The following TRIM71 variants were observed in gnomAD, a reference collection of about 807,000 sequenced individuals.
TRIM71 encodes the protein E3 ubiquitin-protein ligase TRIM71.
A neutral mutation model predicts 61.2 loss-of-function variants in TRIM71; 9 were observed. The ratio of observed to expected loss-of-function variants is 0.15; its 90% CI spans 0.09 to 0.26. The LOEUF (loss-of-function observed/expected upper bound fraction) is 0.26. TRIM71 is among the 10% of genes least tolerant of loss of function. The pLI is 1.00. For missense variants in TRIM71, 998 were observed against 1,238.7 expected (o/e 0.81, Z 2.92); for synonymous variants, 645 against 553.2 (o/e 1.17, Z -2.33).
intron 1 of TRIM71, among the ~76,000 whole-genome samples, chr3:32,827,707 A>AT (rs1180925286): frequency 1.3e-5 from 2 of 152,164 alleles, no homozygotes; most frequent in African/African-American, 4.8e-5. Context: ...GACTGAGGAC[A>AT]TACCCTCCTG....
intron 1 of TRIM71, among the ~76,000 whole-genome samples, chr3:32,858,265 G>T (rs79126022): frequency 0.017 from 2,577 of 152,238 alleles, 62 homozygotes; most frequent in East Asian, 0.12. Flanking sequence ...TCAGGCCATG[G>T]GTGAGAGTGA....
rs1216699191 is a variant in TRIM71 at position 32,842,191 on chromosome 3, AC to A, written c.852+23260del. On this transcript the variant is annotated intron_variant, in intron 1 of 3. Coordinates refer to ENST00000383763, the MANE Select transcript of TRIM71 (RefSeq NM_001039111.3). ...ACTGTCTAGATTTACTGCTGGGAAA[AC>A]ATTGTCCGTTTTGAAAACTGTTAGT... Among the ~76,000 whole-genome samples the A allele has an allele frequency of 2.0e-5, 3 of 152,318 alleles. No individual in the cohort carries two copies. The East Asian group carries it at 5.8e-4, about 29-fold the overall frequency.
At position 32,829,628 on chromosome 3, in the gene TRIM71, GTGTGTGTGTGTGTGTGTGTGTGTT is replaced by G. The variant is rs1219289998; in HGVS notation, c.852+10705_852+10728del. 2.3e-4 allele frequency among the ~76,000 whole-genome samples: 33 copies of G among 142,088 alleles called. 1 individual carries two copies. Among genetic ancestry groups the G allele is most frequent in the Admixed American group, 2.1e-3 (31 of 14,676 alleles). 93.2% of individuals were successfully genotyped at this position (142,088 alleles called of 152,430 possible). A position where few individuals can be genotyped will look rare whatever the true frequency, so the allele number is the denominator to read the frequency against. ...TAGTAAGCATTAATGTCATGGTATT[GTGTGTGTGTGTGTGTGTGTGTGTT>G]TGTGTGTGCGTGTGTGTGCATTGGA... On this transcript the variant is annotated intron_variant, in intron 1 of 3. Coordinates refer to ENST00000383763, the MANE Select transcript of TRIM71 (RefSeq NM_001039111.3).
chr3:32,873,144 C>T (rs1202353848), intron 1 of TRIM71, among the ~76,000 whole-genome samples: 1 of 138,624 alleles, frequency 7.2e-6, no homozygotes, highest in East Asian at 2.6e-4. Flanking sequence ...TAAAGCAGTT[C>T]TGTCAGCACT....
intron 1 of TRIM71, among the ~76,000 whole-genome samples, chr3:32,821,147 T>C (rs536943224): frequency 6.6e-6 from 1 of 152,302 alleles, no homozygotes; most frequent in South Asian, 2.1e-4. Flanking sequence ...TTGAGAATAT[T>C]GTTCCTTTAA....
chr3:32,819,675 C>T (rs1696105836), intron 1 of TRIM71, among the ~76,000 whole-genome samples: 1 of 152,070 alleles, frequency 6.6e-6, no homozygotes, highest in Non-Finnish European at 1.5e-5. Context: ...CGTGGGCCCA[C>T]GGCTGCACCC....
intron 1 of TRIM71, among the ~76,000 whole-genome samples, chr3:32,849,340 A>G (rs1401851763): frequency 2.0e-5 from 3 of 151,778 alleles, no homozygotes; most frequent in Non-Finnish European, 4.4e-5. Context: ...AGGATCTTGC[A>G]TAGGGCCTGG....
chr3:32,874,057 A>G, intron 2 of TRIM71, 72 bp downstream of exon 2: 1 of 1,482,442 alleles, frequency 6.7e-7, no homozygotes, highest in South Asian at 1.3e-5. Context: ...GCATGGACAG[A>G]CAATTGGGCA....
intron 1 of TRIM71, among the ~76,000 whole-genome samples, chr3:32,867,732 G>A (rs1057186838): frequency 7.9e-5 from 12 of 152,080 alleles, no homozygotes; most frequent in African/African-American, 7.2e-5. Flanking sequence ...TTTGTGGTGA[G>A]AACACATAAA....
intron 1 of TRIM71, among the ~76,000 whole-genome samples, chr3:32,834,756 C>A (rs893381518): frequency 6.6e-6 from 1 of 152,068 alleles, no homozygotes; most frequent in African/African-American, 2.4e-5. Flanking sequence ...GCAGGAGAAT[C>A]GCCTGAACCT....
Position 32,894,037 on chromosome 3 carries a change from A to G in TRIM71, c.*2226A>G, listed in dbSNP as rs917006238. The G allele has an allele frequency of 6.6e-6, 1 of 152,206 alleles. No homozygotes were observed. The highest frequency in any genetic ancestry group is 2.4e-5 in the African/African-American group (1 of 41,448). 9.4% of individuals were successfully genotyped at this position (152,206 alleles called of 1,614,324 possible). On this transcript the variant is annotated 3_prime_UTR_variant, in exon 4 of 4. Transcript: ENST00000383763. ...GAATTTAATAGTGAATCCTTCCCCA[A>G]TGCCTATTCAGTTGCCTTTTGGCCG... is the stretch of plus-strand genomic sequence containing the variant.
At position 32,890,323 on chromosome 3, in the gene TRIM71, C is replaced by A. The variant is rs1450446509; in HGVS notation, c.1156-37C>A. ...GGTATTTTCTGTGCTTGGCTCTAAGCCTCTGTGTCTTTCTCCACTCTTGCT... is the reference window on the plus strand; with the variant it reads ...GGTATTTTCTGTGCTTGGCTCTAAGACTCTGTGTCTTTCTCCACTCTTGCT... On this transcript the variant is annotated intron_variant, in intron 3 of 3. Coordinates refer to ENST00000383763, the MANE Select transcript of TRIM71 (RefSeq NM_001039111.3). The surrounding 1 kb of genome is among the most constrained non-coding windows in gnomAD (Gnocchi z 6.2). 1 of 1,588,800 alleles carries A rather than the reference C, an allele frequency of 6.3e-7. No homozygotes were observed. Among genetic ancestry groups the A allele is most frequent in the Non-Finnish European group, 8.6e-7 (1 of 1,164,138 alleles).
intron 1 of TRIM71, among the ~76,000 whole-genome samples, chr3:32,836,424 G>T (rs930173048): frequency 6.6e-6 from 1 of 152,156 alleles, no homozygotes; most frequent in African/African-American, 2.4e-5. Flanking sequence ...CAATTTGTAG[G>T]CATTTTGGAT....
intron 3 of TRIM71, among the ~76,000 whole-genome samples, chr3:32,889,746 C>T (rs1697003938): frequency 6.6e-6 from 1 of 152,036 alleles, no homozygotes; most frequent in Non-Finnish European, 1.5e-5. Flanking sequence ...CCTGTTACCA[C>T]ACTTGGTTAA....
intron 1 of TRIM71, among the ~76,000 whole-genome samples, chr3:32,834,278 G>A (rs1296988223): frequency 2.0e-5 from 3 of 152,222 alleles, no homozygotes; most frequent in Admixed American, 2.0e-4. Context: ...TGTCATAGCA[G>A]GAGATAGTGA....
At chr3:32,887,556 C>T (rs1268040785) in intron 3 of TRIM71, among the ~76,000 whole-genome samples, 1 of 138,216 alleles carries the variant, frequency 7.2e-6, no homozygotes, top group South Asian at 2.3e-4. Flanking sequence ...CTGGGCATCT[C>T]TTTGTTACAA....
At chr3:32,838,065 G>A (rs973735360) in intron 1 of TRIM71, among the ~76,000 whole-genome samples, 1 of 152,108 alleles carries the variant, frequency 6.6e-6, no homozygotes, top group Non-Finnish European at 1.5e-5. Context: ...GGCTATCCGG[G>A]TGTTTGAGGA....
At position 32,890,321 on chromosome 3, in the gene TRIM71, A is replaced by G. The variant is rs1467840548; in HGVS notation, c.1156-39A>G. The stretch of plus-strand genomic sequence containing the variant: ...GTGGTATTTTCTGTGCTTGGCTCTA[A>G]GCCTCTGTGTCTTTCTCCACTCTTG... On this transcript the variant is annotated intron_variant, in intron 3 of 3. Coordinates refer to ENST00000383763, the MANE Select transcript of TRIM71 (RefSeq NM_001039111.3). The surrounding 1 kb of genome is among the most constrained non-coding windows in gnomAD (Gnocchi z 6.2). 2 of 1,585,454 alleles carry G rather than the reference A, an allele frequency of 1.3e-6. No homozygotes were observed. Among genetic ancestry groups the G allele is most frequent in the Non-Finnish European group, 1.7e-6 (2 of 1,162,278 alleles).
At position 32,896,804 on chromosome 3, in the gene TRIM71, C is replaced by G. The variant is rs896919826; in HGVS notation, c.*4993C>G. 1 of 152,168 alleles carries G rather than the reference C, an allele frequency of 6.6e-6. No individual in the cohort carries two copies. The highest frequency in any genetic ancestry group is 1.5e-5 in the Non-Finnish European group (1 of 68,034). The allele number at this position is 152,168 out of a possible 1,614,324, so 9.4% of individuals were successfully genotyped here. On this transcript the variant is annotated 3_prime_UTR_variant, in exon 4 of 4. Transcript: ENST00000383763. ...GGTAGTATTTTTCTTAAGACTCTAT[C>G]TCAGAGCACACTGACTGAATGTTGA...
Sources: allele counts gnomAD v4.1 joint callset (sites outside exome capture counted in the v4.1 genomes callset), GRCh38; gene constraint gnomAD v4.1.1; non-coding constraint Gnocchi (gnomAD v3.1); transcripts MANE v1.5; gene names NCBI Gene and HGNC (gene_info 2026-07-23, HGNC 2026-07-21).